WDFY3: variants seen among roughly 807,000 people sequenced by gnomAD.
The protein encoded by WDFY3 is WD repeat and FYVE domain-containing protein 3.
In WDFY3, 66 loss-of-function variants were observed where a neutral mutation model predicts 409.6. The observed-to-expected ratio is 0.16, with a 90% CI of 0.13 to 0.20. The LOEUF (loss-of-function observed/expected upper bound fraction) is 0.20. WDFY3 is among the 10% of genes least tolerant of loss of function. The probability of loss-of-function intolerance (pLI) is 1.00; values close to 1 mark genes in which losing one functional copy is unlikely to be tolerated. For synonymous variants in WDFY3, 1,521 were observed against 1,537.1 expected, an observed-to-expected ratio of 0.99 and a Z score of 0.25; for missense variants, 3,031 against 4,298.1, an observed-to-expected ratio of 0.71 and a Z score of 8.24.
At position 84,845,113 on chromosome 4, in the gene WDFY3, T is replaced by TA. The variant is rs373479875; in HGVS notation, c.305-3851dup. Reference sequence around the variant, plus strand: ...ACAGCCCATATCTCAAGTAATCTGATAAAAAAAAGGCTGTGTCTGTGGGTG... The same window carrying TA: ...ACAGCCCATATCTCAAGTAATCTGATAAAAAAAAAGGCTGTGTCTGTGGGTG... On this transcript the variant is annotated intron_variant, in intron 5 of 67. Coordinates refer to ENST00000295888, the MANE Select transcript of WDFY3 (RefSeq NM_014991.6). Among the ~76,000 whole-genome samples the TA allele has an allele frequency of 6.1e-3, 922 of 151,980 alleles. 10 individuals are homozygous for TA. The highest frequency in any genetic ancestry group is 0.021 in the African/African-American group (855 of 41,450).
rs756621928 is a variant in WDFY3 at position 84,679,225 on chromosome 4, C to G, written c.9841G>C (p.Glu3281Gln). Residue 3281 changes from glutamate (E) to glutamine (Q), a missense_variant, in exon 65 of 68, where the codon GAG becomes CAG. Physicochemically the swap from Glu to Gln is conservative, Grantham distance 29 (BLOSUM62 2). Coordinates refer to ENST00000295888, the MANE Select transcript of WDFY3 (RefSeq NM_014991.6). ...TCTGCTTCTGAATCACTGCTGTCCT[C>G]GTCTTGGGCTTCCTGCCCTGGGTGA... is the stretch of plus-strand genomic sequence containing the variant. ...EAQIGQEAQD[E>Q]DSSDSEADEQ... 3 of 1,547,018 alleles carry G rather than the reference C, an allele frequency of 1.9e-6. No homozygotes were observed. In the African/African-American group the frequency reaches 4.1e-5, roughly 21 times the overall value.
intron 10 of WDFY3, 94 bp downstream of exon 10, chr4:84,826,721 T>C: frequency 1.6e-6 from 2 of 1,286,182 alleles, no homozygotes; most frequent in Middle Eastern, 2.4e-4. Context: ...CTTTTATATA[T>C]ATAACAGAAA....
At chr4:84,811,965 C>T (rs1752563556) in intron 13 of WDFY3, among the ~76,000 whole-genome samples, 1 of 152,020 alleles carries the variant, frequency 6.6e-6, no homozygotes, top group Non-Finnish European at 1.5e-5. Flanking sequence ...GCAACTTTAC[C>T]ATCACATGAG....
intron 26 of WDFY3, among the ~76,000 whole-genome samples, chr4:84,779,852 A>G (rs1013431959): frequency 1.3e-5 from 2 of 152,234 alleles, no homozygotes; most frequent in Non-Finnish European, 2.9e-5. Flanking sequence ...CAATGTATTA[A>G]AGCTATATTG....
chr4:84,956,563 A>C (rs1774263309), intron 1 of WDFY3, among the ~76,000 whole-genome samples: 1 of 152,236 alleles, frequency 6.6e-6, no homozygotes, highest in Admixed American at 6.5e-5. Context: ...CAAAAGAATC[A>C]AACAACTGTA....
chr4:84,713,194 T>A lies in WDFY3; in HGVS notation c.8007A>T (p.Val2669=), dbSNP rs765054707. The A allele has an allele frequency of 1.9e-6, 3 of 1,614,194 alleles. No homozygotes were observed. Among genetic ancestry groups the A allele is most frequent in the Non-Finnish European group, 2.5e-6 (3 of 1,180,034 alleles). The part of the protein sequence containing the change: ...VPSLTDSSES[V]SGQRPNTSVE... Reference sequence around the variant, plus strand: ...CACTCGTGTTTGGTCGTTGCCCAGATACAGATTCTGAACTGTCCGTTAGAG... The same window carrying A: ...CACTCGTGTTTGGTCGTTGCCCAGAAACAGATTCTGAACTGTCCGTTAGAG... The change falls in exon 51 of 68, where the codon GTA becomes GTT. Residue 2669 remains valine, a synonymous_variant. Coordinates refer to ENST00000295888, the MANE Select transcript of WDFY3 (RefSeq NM_014991.6).
At chr4:84,839,691 C>G (rs1461454640) in intron 6 of WDFY3, among the ~76,000 whole-genome samples, 1 of 151,990 alleles carries the variant, frequency 6.6e-6, no homozygotes, top group Non-Finnish European at 1.5e-5. Flanking sequence ...AACCCCGTCT[C>G]TACCAAAAAT....
In WDFY3 at chr4:84,733,363, T is replaced by A. The variant is rs199834956; in HGVS notation, c.7221+19A>T. 1 of 1,609,260 alleles carries A rather than the reference T, an allele frequency of 6.2e-7. No individual in the cohort carries two copies. The highest frequency in any genetic ancestry group is 8.5e-7 in the Non-Finnish European group (1 of 1,176,582). On this transcript the variant is annotated intron_variant, in intron 44 of 67. Transcript: ENST00000295888. ...AAACTTGAAAGAGCCATTGTGATCA[T>A]TGAATTCTGCATACTCACCGCCACA... is the stretch of plus-strand genomic sequence containing the variant.
At chr4:84,756,785 CA>C in intron 33 of WDFY3, 140 bp downstream of exon 33, 6 of 1,036,766 alleles carry the variant, frequency 5.8e-6, no homozygotes, top group Non-Finnish European at 6.9e-6. Context: ...GTGGTATTTT[CA>C]GATTTTTCTG....
chr4:84,964,296 T>C (rs1254090728), intron 1 of WDFY3, among the ~76,000 whole-genome samples: 1 of 152,010 alleles, frequency 6.6e-6, no homozygotes, highest in Non-Finnish European at 1.5e-5. Context: ...AGGGAGACCC[T>C]CATCTCTACA....
intron 2 of WDFY3, among the ~76,000 whole-genome samples, chr4:84,926,064 T>A (rs1769940560): frequency 6.7e-6 from 1 of 148,690 alleles, no homozygotes; most frequent in East Asian, 2.1e-4. Context: ...TCGCCCAGGC[T>A]GGAGTATAGC....
intron 3 of WDFY3, among the ~76,000 whole-genome samples, chr4:84,885,334 G>A (rs1578981012): frequency 1.8e-5 from 1 of 56,630 alleles, no homozygotes; most frequent in African/African-American, 7.5e-5. Context: ...ATACATATGT[G>A]TGTGTGTGTG....
At chr4:84,772,128 AATAAT>A (rs1744781266) in intron 30 of WDFY3, among the ~76,000 whole-genome samples, 2 of 152,198 alleles carry the variant, frequency 1.3e-5, no homozygotes, top group East Asian at 1.9e-4. Flanking sequence ...ATGATTTGGG[AATAAT>A]ATAATAGGGT....
intron 4 of WDFY3, among the ~76,000 whole-genome samples, chr4:84,857,112 G>A (rs765864877): frequency 5.1e-4 from 78 of 152,172 alleles, no homozygotes; most frequent in South Asian, 2.7e-3. Flanking sequence ...GAACCTTTGT[G>A]ATATCAAATC....
chr4:84,756,756 CT>C (rs1478621151), intron 33 of WDFY3, among the ~76,000 whole-genome samples, 169 bp downstream of exon 33: 2 of 151,846 alleles, frequency 1.3e-5, no homozygotes, highest in Admixed American at 6.6e-5. Flanking sequence ...GGACAAAGGA[CT>C]TTTTGGGAAA....
chr4:84,712,676 T>C (rs1288860784), intron 51 of WDFY3, among the ~76,000 whole-genome samples: 1 of 152,070 alleles, frequency 6.6e-6, no homozygotes. Flanking sequence ...AGACGTGCCA[T>C]TACACTCCAG....
At chr4:84,754,484 G>A (rs1446667563) in intron 34 of WDFY3, among the ~76,000 whole-genome samples, 1 of 152,166 alleles carries the variant, frequency 6.6e-6, no homozygotes, top group Non-Finnish European at 1.5e-5. Context: ...GTAATGTTCT[G>A]TTCTTAGATG....
Position 84,946,800 on chromosome 4 carries a change from C to T in WDFY3, c.-225-14437G>A, listed in dbSNP as rs186148301. Among the ~76,000 whole-genome samples the T allele has an allele frequency of 2.6e-5, 4 of 151,922 alleles. No individual in the cohort carries two copies. The East Asian group carries it at 7.8e-4, about 30-fold the overall frequency. ...CTGATCTGAACGAGGTTAATTTAAT[C>T]CTTTCATTTTTTGTTTTTTTTTTTG... On this transcript the variant is annotated intron_variant, in intron 1 of 67. Transcript: ENST00000295888.
At chr4:84,800,532 A>C (rs185208272) in intron 17 of WDFY3, among the ~76,000 whole-genome samples, 3 of 152,334 alleles carry the variant, frequency 2.0e-5, no homozygotes, top group Admixed American at 2.0e-4. Flanking sequence ...CTACTGATAC[A>C]TGTAACAACT....
Sources: allele counts gnomAD v4.1 joint callset (sites outside exome capture counted in the v4.1 genomes callset), GRCh38; gene constraint gnomAD v4.1.1; transcripts MANE v1.5; gene names NCBI Gene and HGNC (gene_info 2026-07-23, HGNC 2026-07-21).